The following TEX11 variants were observed in gnomAD, a reference collection of about 807,000 sequenced individuals.
The protein encoded by TEX11 is testis expressed 11, also known as testis-expressed protein 11.
Under a neutral mutation model 84.4 loss-of-function variants are expected in TEX11, and 7 were observed. The observed-to-expected ratio is 0.08, with a 90% CI of 0.05 to 0.16. The LOEUF is 0.16. TEX11 is among the 10% of genes least tolerant of loss of function. The pLI, the probability that TEX11 is intolerant of heterozygous loss-of-function variation, is 1.00. For synonymous variants in TEX11, 264 were observed against 222.8 expected (o/e 1.18, Z -1.64); for missense variants, 551 against 660.5 (o/e 0.83, Z 1.82).
At chrX:70,879,757 TAATA>T (rs2091673321) in intron 3 of TEX11, among the ~76,000 whole-genome samples, 1 of 111,184 alleles carries the variant, frequency 9.0e-6, no homozygotes. Context: ...TAAATATTAA[TAATA>T]AATAACATTG....
intron 15 of TEX11, among the ~76,000 whole-genome samples, chrX:70,677,945 C>T (rs1319550454): frequency 9.4e-6 from 1 of 106,577 alleles, no homozygotes; most frequent in Non-Finnish European, 1.9e-5. Context: ...TCCTGAGTAG[C>T]GGACACTACA....
intron 24 of TEX11, among the ~76,000 whole-genome samples, chrX:70,592,100 TG>T (rs938462220): frequency 2.6e-4 from 29 of 111,558 alleles, no homozygotes; most frequent in African/African-American, 9.1e-4. Context: ...CTAGAATGGT[TG>T]TGTGAGGAGC....
chrX:70,746,506 T>A (rs2090768445), intron 9 of TEX11, among the ~76,000 whole-genome samples: 1 of 111,701 alleles, frequency 9.0e-6, no homozygotes, highest in African/African-American at 3.2e-5. Context: ...ACTAATTTAC[T>A]AATATGGTAG....
chrX:70,748,579 T>C (rs1213219249), intron 9 of TEX11, among the ~76,000 whole-genome samples: 1 of 109,464 alleles, frequency 9.1e-6, no homozygotes, highest in Non-Finnish European at 1.9e-5. Flanking sequence ...CTTTAATCCA[T>C]CTTGAATTGA....
chrX:70,788,685 AACACAC>A lies in TEX11; in HGVS notation c.692+18014_692+18019del, dbSNP rs753573687. Among the ~76,000 whole-genome samples the A allele has an allele frequency of 1.0e-3, 71 of 69,448 alleles. No homozygotes were observed. In the South Asian group the frequency reaches 0.027, roughly 27 times the overall value. 60.3% of individuals were successfully genotyped at this position (69,448 alleles called of 115,157 possible). On this transcript the variant is annotated intron_variant, in intron 9 of 29. Coordinates refer to ENST00000374333, the MANE Select transcript of TEX11 (RefSeq NM_031276.3). ...ATCAGAAAATGTAAATCTCTTGGGAAACACACACACACACACACACACACACACACA... is the reference window on the plus strand; with the variant it reads ...ATCAGAAAATGTAAATCTCTTGGGAAACACACACACACACACACACACACA...
chrX:70,677,016 T>C (rs2090077778), intron 15 of TEX11, among the ~76,000 whole-genome samples: 1 of 112,430 alleles, frequency 8.9e-6, no homozygotes, highest in Non-Finnish European at 1.9e-5. Context: ...AACTTCTATG[T>C]CAGTTCTGGG....
At chrX:70,633,619 A>G (rs1002204079) in intron 17 of TEX11, among the ~76,000 whole-genome samples, 1 of 112,520 alleles carries the variant, frequency 8.9e-6, no homozygotes. Context: ...ATGATTGTCT[A>G]TTTAGAAAAT....
chrX:70,649,449 A>T (rs2089786384), intron 17 of TEX11, among the ~76,000 whole-genome samples: 1 of 112,446 alleles, frequency 8.9e-6, no homozygotes, highest in South Asian at 3.7e-4. Context: ...TCAAGTGCTG[A>T]TGAGGATGTA....
intron 25 of TEX11, among the ~76,000 whole-genome samples, chrX:70,591,115 A>T: frequency 8.9e-6 from 1 of 112,438 alleles, no homozygotes. Flanking sequence ...ACTAGCCTAC[A>T]TTTAGTCAAA....
chrX:70,570,253 G>A lies in TEX11; in HGVS notation c.2141-15453C>T, dbSNP rs1030321135. 2.4e-4 allele frequency among the ~76,000 whole-genome samples: 27 copies of A among 112,272 alleles called. 1 individual carries two copies. Among genetic ancestry groups the A allele is most frequent in the African/African-American group, 3.9e-4 (12 of 30,949 alleles). On this transcript the variant is annotated intron_variant, in intron 25 of 29. Coordinates refer to ENST00000374333, the MANE Select transcript of TEX11 (RefSeq NM_031276.3). ...TCCTGGTGCGCCATTTTTTAAGCCC[G>A]TCAGAAAAGCGCAGTATTGGGGTGG...
intron 11 of TEX11, among the ~76,000 whole-genome samples, chrX:70,731,898 A>G (rs1169146235): frequency 9.0e-6 from 1 of 111,540 alleles, no homozygotes; most frequent in African/African-American, 3.3e-5. Context: ...GATGCAAAAA[A>G]CCTCAATAAA....
chrX:70,645,619 G>C (rs60924373), intron 17 of TEX11, among the ~76,000 whole-genome samples: 6,213 of 111,379 alleles, frequency 0.056, 352 homozygotes, highest in African/African-American at 0.16. Flanking sequence ...ACACAAAGTA[G>C]TAGCATTTCT....
At chrX:70,709,349 G>T (rs2090405693) in intron 13 of TEX11, among the ~76,000 whole-genome samples, 1 of 110,963 alleles carries the variant, frequency 9.0e-6, no homozygotes, top group African/African-American at 3.3e-5. Flanking sequence ...ATCTATCCCA[G>T]AAAGGAATTA....
At chrX:70,518,250 G>A in the TEX11 span, among the ~76,000 whole-genome samples, 3 of 111,504 alleles carry the variant, frequency 2.7e-5, no homozygotes, top group African/African-American at 9.8e-5. Flanking sequence ...GCTTTCTCTT[G>A]TGGGCAATTA....
In TEX11 at chrX:70,816,715, C is replaced by CA. The variant is rs61114889; in HGVS notation, c.607-9926dup. ...TGACAGAGTGAGTGAGACTCTGTCT[C>CA]AAAAAAAAAAAAAAAGTATTATTCT... is the stretch of plus-strand genomic sequence containing the variant. On this transcript the variant is annotated intron_variant, in intron 8 of 29. Transcript: ENST00000374333. Among the ~76,000 whole-genome samples, 806 of 80,648 alleles carry CA rather than the reference C, an allele frequency of 1.0e-2. 8 individuals are homozygous for CA. Among genetic ancestry groups the CA allele is most frequent in the African/African-American group, 0.034 (719 of 21,259 alleles). The allele number at this position is 80,648 out of a possible 115,157, so 70.0% of individuals were successfully genotyped here.
intron 11 of TEX11, 69 bp downstream of exon 11, chrX:70,740,632 G>A (rs2090727135): frequency 6.7e-6 from 5 of 741,047 alleles, no homozygotes; most frequent in Non-Finnish European, 9.7e-6. Flanking sequence ...TGTCTAAACT[G>A]GATTTCAAAA....
At chrX:70,769,393 AC>A (rs762212122) in intron 9 of TEX11, among the ~76,000 whole-genome samples, 86 of 111,652 alleles carry the variant, frequency 7.7e-4, no homozygotes, top group African/African-American at 2.7e-3. Flanking sequence ...GGACATCACT[AC>A]TGACCTTTAG....
intron 25 of TEX11, among the ~76,000 whole-genome samples, chrX:70,588,860 G>T (rs1454919153): frequency 7.4e-5 from 8 of 108,642 alleles, no homozygotes; most frequent in African/African-American, 2.7e-4. Flanking sequence ...CTTGAGCGCA[G>T]GGTTCAAGGC....
intron 28 of TEX11, among the ~76,000 whole-genome samples, chrX:70,543,562 A>G (rs1194691948): frequency 8.9e-6 from 1 of 112,619 alleles, no homozygotes; most frequent in Non-Finnish European, 1.9e-5. Context: ...AGAATTTCCT[A>G]TTCATCCGAG....
Sources: gnomAD v4.1 joint callset for allele counts (sites outside exome capture counted in the v4.1 genomes callset) on GRCh38, gnomAD v4.1.1 for gene constraint, MANE v1.5 for transcripts, NCBI Gene and HGNC (gene_info 2026-07-23, HGNC 2026-07-21) for gene names.